Variants in KIDINS220 observed in about 807,000 individuals in gnomAD.
KIDINS220 encodes kinase D-interacting substrate of 220 kDa.
A neutral mutation model predicts 157.6 loss-of-function variants in KIDINS220; 63 were observed. The ratio of observed to expected loss-of-function variants is 0.40; its 90% confidence interval spans 0.33 to 0.49. The LOEUF is 0.49. Among genes scored for constraint, KIDINS220 ranks in the 20% least tolerant of loss-of-function variants. The pLI is 0.66. For synonymous variants in KIDINS220, 732 were observed against 783.6 expected (o/e 0.93, Z 1.10); for missense variants, 1,772 against 2,171.2 (o/e 0.82, Z 3.65).
intron 10 of KIDINS220, among the ~76,000 whole-genome samples, chr2:8,797,408 CA>C (rs1335906976): frequency 6.6e-6 from 1 of 152,124 alleles, no homozygotes; most frequent in Non-Finnish European, 1.5e-5. Context: ...CTGAGTTAGA[CA>C]AAAATCTGGT....
At chr2:8,770,337 T>C (rs1670031993) in intron 22 of KIDINS220, among the ~76,000 whole-genome samples, 1 of 152,132 alleles carries the variant, frequency 6.6e-6, no homozygotes, top group South Asian at 2.1e-4. Context: ...GTCCAGGAGT[T>C]TGAGGCTACA....
At chr2:8,757,793 T>A in intron 22 of KIDINS220, 2 of 1,604,470 alleles carry the variant, frequency 1.2e-6, no homozygotes, top group Non-Finnish European at 1.7e-6. Context: ...AGCATCTGTG[T>A]TTGAATAATA....
chr2:8,811,599 A>G (rs1676319017), intron 6 of KIDINS220, among the ~76,000 whole-genome samples: 1 of 152,222 alleles, frequency 6.6e-6, no homozygotes, highest in African/African-American at 2.4e-5. Context: ...TCTAAAACAC[A>G]GCATATATGG....
chr2:8,773,088 A>G (rs992238331), intron 21 of KIDINS220, among the ~76,000 whole-genome samples: 1 of 152,254 alleles, frequency 6.6e-6, no homozygotes, highest in Admixed American at 6.5e-5. Context: ...TTTTCAACAT[A>G]GCACTTTTAG....
chr2:8,816,961 T>C (rs1026112037), intron 4 of KIDINS220, among the ~76,000 whole-genome samples: 2 of 152,216 alleles, frequency 1.3e-5, no homozygotes, highest in Admixed American at 1.3e-4. Context: ...AGACCGTCTG[T>C]ACTTCAAAAA....
intron 2 of KIDINS220, among the ~76,000 whole-genome samples, chr2:8,822,461 A>G (rs1024559793): frequency 2.6e-5 from 4 of 151,902 alleles, no homozygotes; most frequent in Admixed American, 1.3e-4. Flanking sequence ...TCATCTCTAC[A>G]AAAAAAATTT....
intron 25 of KIDINS220, 23 bp downstream of exon 25, chr2:8,747,864 G>T: frequency 7.2e-7 from 1 of 1,392,360 alleles, no homozygotes; most frequent in Non-Finnish European, 9.9e-7. Flanking sequence ...ATTAATATTT[G>T]CGTTACCCTT....
chr2:8,836,777 A>C (rs1680472065), intron 1 of KIDINS220, among the ~76,000 whole-genome samples: 1 of 152,228 alleles, frequency 6.6e-6, no homozygotes, highest in Admixed American at 6.5e-5. Context: ...AGGAATGGGA[A>C]TCTCTAAAAC....
chr2:8,788,179 C>T (rs1306072556), intron 15 of KIDINS220, among the ~76,000 whole-genome samples: 1 of 152,112 alleles, frequency 6.6e-6, no homozygotes, highest in Non-Finnish European at 1.5e-5. Flanking sequence ...GAAGTGTTTC[C>T]CACGGTATTT....
chr2:8,805,627 T>G (rs193221545), intron 7 of KIDINS220, among the ~76,000 whole-genome samples: 12 of 152,134 alleles, frequency 7.9e-5, no homozygotes, highest in African/African-American at 2.4e-4. Flanking sequence ...ATTACACAGG[T>G]TATAGGAGCA....
chr2:8,726,279 T>G (rs1254834196), downstream of KIDINS220, among the ~76,000 whole-genome samples: 1 of 152,184 alleles, frequency 6.6e-6, no homozygotes, highest in Non-Finnish European at 1.5e-5. Context: ...GCTTCTGAGT[T>G]CCAGAAAGTC....
chr2:8,820,816 C>T (rs1432493627), intron 2 of KIDINS220, among the ~76,000 whole-genome samples: 1 of 152,212 alleles, frequency 6.6e-6, no homozygotes, highest in African/African-American at 2.4e-5. Context: ...TGAGTCGTCA[C>T]TACCAACATC....
intron 22 of KIDINS220, among the ~76,000 whole-genome samples, chr2:8,753,601 C>T (rs1275830698): frequency 2.0e-5 from 3 of 152,162 alleles, no homozygotes; most frequent in Admixed American, 1.3e-4. Context: ...ATATATCCTT[C>T]CAATTAAACA....
intron 12 of KIDINS220, among the ~76,000 whole-genome samples, chr2:8,791,548 C>T (rs1443615016): frequency 6.6e-6 from 1 of 152,008 alleles, no homozygotes; most frequent in Non-Finnish European, 1.5e-5. Flanking sequence ...AAAATGTTGC[C>T]AAATTGTGAC....
At chr2:8,806,417 A>G in intron 6 of KIDINS220, 48 bp from the exon 7 acceptor site, 2 of 1,158,194 alleles carry the variant, frequency 1.7e-6, no homozygotes, top group Middle Eastern at 4.4e-4. Context: ...AAGTATACTC[A>G]AAGAAACTAG....
At chr2:8,724,944 C>G (rs1056570549), downstream of KIDINS220, 22 of 152,194 alleles carry the variant, frequency 1.4e-4, no homozygotes, top group African/African-American at 4.6e-4. This position sits in a 1 kb window ranked among gnomAD's most constrained non-coding sequence, Gnocchi z 4.6. Context: ...CAAGTATTTA[C>G]TGAATGTCCA....
intron 22 of KIDINS220, among the ~76,000 whole-genome samples, chr2:8,758,579 A>G (rs1013907000): frequency 2.6e-5 from 4 of 151,030 alleles, no homozygotes; most frequent in African/African-American, 4.9e-5. Flanking sequence ...TCTAACCTTT[A>G]TTATTTCCTT....
chr2:8,750,481 A>C, intron 23 of KIDINS220, 146 bp from the exon 24 acceptor site: 1 of 563,612 alleles, frequency 1.8e-6, no homozygotes, highest in Non-Finnish European at 2.7e-6. Context: ...AAAAGAAGAC[A>C]GAAAATCTTG....
rs372166824 is a variant in KIDINS220, at chr2:8,785,797, G to T, written c.2173C>A (p.Arg725Ser). Residue 725 changes from arginine to serine, a missense_variant, in exon 17 of 30, where the codon CGC becomes AGC. Around this residue, in one of 3 missense-constraint regions of KIDINS220, gnomAD observed 725 missense variants for 1,017.1 expected, o/e 0.71. Transcript: ENST00000256707. ...AGTTTGGAGGCTGCATTATGGAGGC[G>T]TTTTCTTTGGGAATTCAGGAGCGAG... ...LDSLLNSQRK[R>S]LHNAASKLHK... 6.2e-7 allele frequency: 1 copy of T among 1,613,878 alleles called. No individual in the cohort carries two copies. Among genetic ancestry groups the T allele is most frequent in the Non-Finnish European group, 8.5e-7 (1 of 1,179,982 alleles).
Sources: gnomAD v4.1 joint callset for allele counts (sites outside exome capture counted in the v4.1 genomes callset) on GRCh38, gnomAD v4.1.1 for gene constraint, gnomAD v4.1.1 regional missense constraint, Gnocchi (gnomAD v3.1) non-coding constraint, MANE v1.5 for transcripts, NCBI Gene and HGNC (gene_info 2026-07-23, HGNC 2026-07-21) for gene names.